CHL1: variants seen among roughly 807,000 people sequenced by gnomAD.
The protein encoded by CHL1 is neural cell adhesion molecule L1-like protein.
In CHL1, 96 loss-of-function variants were observed where a neutral mutation model predicts 141.9. The ratio of observed to expected loss-of-function variants is 0.68; its 90% CI spans 0.57 to 0.80. CHL1 has a LOEUF of 0.80. Ranked by LOEUF, CHL1 falls within the 30% of genes least tolerant of loss-of-function variation. CHL1 has a pLI of 0.00. For synonymous variants in CHL1, 613 were observed against 502.2 expected (o/e 1.22, Z -2.95); for missense variants, 1,820 against 1,457.2 (o/e 1.25, Z -4.05).
intron 5 of CHL1, among the ~76,000 whole-genome samples, chr3:332,927 A>G (rs926557636): frequency 6.6e-6 from 1 of 152,026 alleles, no homozygotes; most frequent in Non-Finnish European, 1.5e-5. Flanking sequence ...AGCTAGATCT[A>G]TTGCAAAGAA....
intron 5 of CHL1, among the ~76,000 whole-genome samples, chr3:334,621 A>G (rs771757485): frequency 1.3e-5 from 2 of 152,188 alleles, no homozygotes; most frequent in Non-Finnish European, 2.9e-5. Flanking sequence ...TTATTTCTCT[A>G]TATTGCTGAA....
At position 244,081 on chromosome 3, in the gene CHL1, C is replaced by T. The variant is rs568462817; in HGVS notation, c.-174-532C>T. On this transcript the variant is annotated intron_variant, in intron 1 of 27. Transcript: ENST00000256509. The stretch of plus-strand genomic sequence containing the variant: ...ACATGTTGATGTTTTAAGAGATAGG[C>T]GGCTTGGCAAACCATGGTGAGAGAT... 1.6e-4 allele frequency among the ~76,000 whole-genome samples: 24 copies of T among 150,982 alleles called. 1 individual carries two copies. Among genetic ancestry groups the T allele is most frequent in the Non-Finnish European group, 4.4e-5 (3 of 67,776 alleles).
In CHL1 at chr3:382,588, ACCAGTTCAGGGTCATAG is replaced by A. The variant is rs1321623797; in HGVS notation, c.2096_2112del (p.Gln699ArgfsTer10). 1 of 1,613,998 alleles carries A rather than the reference ACCAGTTCAGGGTCATAG, an allele frequency of 6.2e-7. No homozygotes were observed. Among genetic ancestry groups the A allele is most frequent in the African/African-American group, 1.3e-5 (1 of 75,038 alleles). On this transcript the variant is annotated frameshift_variant, in exon 18 of 28. Coordinates refer to ENST00000256509, the MANE Select transcript of CHL1 (RefSeq NM_006614.4). LOFTEE classifies it high-confidence loss of function. ...TTACCTTTGGCTCCATTTGTGAGATACCAGTTCAGGGTCATAGCCGTGAACGAAGTAGGGAGAAGTCA... is the reference window on the plus strand; with the variant it reads ...TTACCTTTGGCTCCATTTGTGAGATACCGTGAACGAAGTAGGGAGAAGTCA...
chr3:352,900 A>T (rs974687487), intron 10 of CHL1, among the ~76,000 whole-genome samples: 1 of 152,210 alleles, frequency 6.6e-6, no homozygotes, highest in African/African-American at 2.4e-5. Context: ...ATACAAATTC[A>T]TAAGATAACA....
intron 2 of CHL1, among the ~76,000 whole-genome samples, chr3:287,932 A>T (rs755115859): frequency 2.3e-5 from 2 of 85,758 alleles, no homozygotes; most frequent in African/African-American, 8.8e-5. Context: ...CGCCAGGCTA[A>T]GTTTTTTGTA....
intron 2 of CHL1, among the ~76,000 whole-genome samples, chr3:304,899 A>AACACTGCTTTAAATGGAAAGAAG (rs1193432857): frequency 6.6e-6 from 1 of 151,894 alleles, no homozygotes; most frequent in Non-Finnish European, 1.5e-5. Context: ...TTTCCCTCTA[A>AACACTGCTTTAAATGGAAAGAAG]ACACTGCTTT....
At chr3:248,609 C>T (rs966215207) in intron 2 of CHL1, 1 of 152,086 alleles carries the variant, frequency 6.6e-6, no homozygotes, top group African/African-American at 2.4e-5. Flanking sequence ...AAAGTTTCCT[C>T]TGTCCCTCTG....
chr3:311,065 T>C (rs1015188863), intron 2 of CHL1, among the ~76,000 whole-genome samples: 5 of 152,228 alleles, frequency 3.3e-5, no homozygotes, highest in Admixed American at 6.5e-5. Flanking sequence ...AGCTCATTTC[T>C]TTTTACCACT....
At chr3:272,689 T>C (rs1314403043) in intron 2 of CHL1, among the ~76,000 whole-genome samples, 1 of 152,218 alleles carries the variant, frequency 6.6e-6, no homozygotes. Flanking sequence ...TATGTTCAAA[T>C]AGTTCAAAGC....
At position 342,449 on chromosome 3, in the gene CHL1, C is replaced by T. The variant is rs375411884; in HGVS notation, c.679+367C>T. On this transcript the variant is annotated intron_variant, in intron 7 of 27. Coordinates refer to ENST00000256509, the MANE Select transcript of CHL1 (RefSeq NM_006614.4). ...AGACTGAAAATGGGGGAGAAAACAACAGAGGCAAAAAGATGGAAATTTGTA... is the reference window on the plus strand; with the variant it reads ...AGACTGAAAATGGGGGAGAAAACAATAGAGGCAAAAAGATGGAAATTTGTA... Among the ~76,000 whole-genome samples, 83 of 152,210 alleles carry T rather than the reference C, an allele frequency of 5.5e-4. 1 individual carries two copies. The South Asian group carries it at 0.017, about 31-fold the overall frequency.
intron 2 of CHL1, among the ~76,000 whole-genome samples, chr3:284,500 G>A (rs1696953440): frequency 6.6e-6 from 1 of 152,168 alleles, no homozygotes; most frequent in East Asian, 1.9e-4. Context: ...GTTTTTTATT[G>A]AGGGAGCATA....
chr3:273,739 A>T (rs1289725551), intron 2 of CHL1, among the ~76,000 whole-genome samples: 1 of 152,126 alleles, frequency 6.6e-6, no homozygotes, highest in African/African-American at 2.4e-5. Flanking sequence ...CTTATTTTTA[A>T]GTTATAATGT....
intron 1 of CHL1, among the ~76,000 whole-genome samples, chr3:214,983 C>CACACAA (rs5845953): frequency 2.7e-5 from 4 of 149,690 alleles, no homozygotes; most frequent in Admixed American, 2.7e-4. Context: ...CACACACACA[C>CACACAA]GTAACTGCTC....
At position 374,220 on chromosome 3, in the gene CHL1, C is replaced by T. The variant is rs1004714256; in HGVS notation, c.1752-3598C>T. Among the ~76,000 whole-genome samples, 2 of 151,936 alleles carry T rather than the reference C, an allele frequency of 1.3e-5. 1 individual carries two copies. The highest frequency in any genetic ancestry group is 4.1e-4 in the South Asian group (2 of 4,828). ...CTTGATTTATTCTCTCCCCTCCTTC[C>T]GATATATACAAAGGTTTGCAGAAAG... On this transcript the variant is annotated intron_variant, in intron 15 of 27. Transcript: ENST00000256509.
In CHL1 at chr3:399,214, A is replaced by G. The variant is rs1037408965; in HGVS notation, c.3385+66A>G. 1.6e-5 allele frequency: 22 copies of G among 1,388,462 alleles called. No homozygotes were observed. In the East Asian group the frequency reaches 3.0e-4, roughly 19 times the overall value. The allele number at this position is 1,388,462 out of a possible 1,614,324, so 86.0% of individuals were successfully genotyped here. A position where few individuals can be genotyped will look rare whatever the true frequency, so the allele number is the denominator to read the frequency against. ...GCATTTTCTGGGAAGCATTCTTCAG[A>G]GACAACTTTTTTTAAAAATACACAT... On this transcript the variant is annotated intron_variant, in intron 26 of 27. Coordinates refer to ENST00000256509, the MANE Select transcript of CHL1 (RefSeq NM_006614.4).
intron 2 of CHL1, among the ~76,000 whole-genome samples, chr3:255,740 C>A (rs1694095165): frequency 6.6e-6 from 1 of 152,120 alleles, no homozygotes; most frequent in Admixed American, 6.5e-5. Flanking sequence ...TAGTTCTCGC[C>A]TTTGACTGCC....
intron 18 of CHL1, 129 bp downstream of exon 18, chr3:382,800 T>C (rs1575238664): frequency 1.3e-6 from 1 of 767,246 alleles, no homozygotes; most frequent in Non-Finnish European, 2.1e-6. Context: ...AACAGTTCTC[T>C]AAACAGCACA....
At chr3:400,575 G>C (rs1234062604) in intron 26 of CHL1, among the ~76,000 whole-genome samples, 2 of 110,242 alleles carry the variant, frequency 1.8e-5, no homozygotes, top group African/African-American at 6.9e-5. Flanking sequence ...AGAACAATTT[G>C]TATTTGAGGG....
intron 16 of CHL1, 118 bp from the exon 17 acceptor site, chr3:382,061 C>T: frequency 1.4e-6 from 1 of 719,440 alleles, no homozygotes; most frequent in South Asian, 1.9e-5. Flanking sequence ...GGGGGTGCTT[C>T]CCAGGTCCCT....
Sources: gnomAD v4.1 joint callset for allele counts (sites outside exome capture counted in the v4.1 genomes callset) on GRCh38, gnomAD v4.1.1 for gene constraint, MANE v1.5 for transcripts, NCBI Gene and HGNC (gene_info 2026-07-23, HGNC 2026-07-21) for gene names.